SOS2: variants seen among roughly 807,000 people sequenced by gnomAD.
The protein encoded by SOS2 is SOS Ras/Rho guanine nucleotide exchange factor 2, also known as son of sevenless homolog 2.
A neutral mutation model predicts 148.2 loss-of-function variants in SOS2; 65 were observed. The ratio of observed to expected loss-of-function variants is 0.44; its 90% confidence interval spans 0.36 to 0.54. The LOEUF (loss-of-function observed/expected upper bound fraction) is 0.54. Ranked by LOEUF, SOS2 falls within the 20% of genes least tolerant of loss-of-function variation. The pLI, the probability that SOS2 is intolerant of heterozygous loss-of-function variation, is 0.00. For synonymous variants in SOS2, 539 were observed against 537.1 expected (o/e 1.00, Z -0.05); for missense variants, 1,341 against 1,590.2 (o/e 0.84, Z 2.67).
chr14:50,191,219 C>T (rs1886125595), intron 4 of SOS2, among the ~76,000 whole-genome samples: 1 of 152,108 alleles, frequency 6.6e-6, no homozygotes, highest in African/African-American at 2.4e-5. Context: ...AATCTCAGCA[C>T]TTTGGGAGGC....
At chr14:50,156,951 GTATATATATGTGTATA>G (rs759357678) in intron 12 of SOS2, 32 bp downstream of exon 12, 1 of 844,176 alleles carries the variant, frequency 1.2e-6, no homozygotes, top group Non-Finnish European at 1.8e-6. Context: ...GTGTGTGTGT[GTATATATATGTGTATA>G]TATATATATA....
rs1401913161 is a variant in SOS2 at position 50,135,085 on chromosome 14, AAAAAAAAG to A, written c.2959-854_2959-847del. Among the ~76,000 whole-genome samples, 282 of 143,990 alleles carry A rather than the reference AAAAAAAAG, an allele frequency of 2.0e-3. 1 individual carries two copies. The highest frequency in any genetic ancestry group is 3.3e-3 in the Non-Finnish European group (211 of 64,270). The allele number at this position is 143,990 out of a possible 152,430, so 94.5% of individuals were successfully genotyped here. A position where few individuals can be genotyped will look rare whatever the true frequency, so the allele number is the denominator to read the frequency against. On this transcript the variant is annotated intron_variant, in intron 18 of 22. Coordinates refer to ENST00000216373, the MANE Select transcript of SOS2 (RefSeq NM_006939.4). ...CGAGACTGTCTCAAAAAAAAAAAAA[AAAAAAAAG>A]AAAGAAAGAAAGAAAGAAAGAAAGA...
At chr14:50,200,387 C>T in intron 3 of SOS2, among the ~76,000 whole-genome samples, 1 of 152,094 alleles carries the variant, frequency 6.6e-6, no homozygotes, top group African/African-American at 2.4e-5. Flanking sequence ...TCCACTTTTC[C>T]AGTATATAAA....
intron 18 of SOS2, among the ~76,000 whole-genome samples, chr14:50,135,088 AAAAAGAAAGAAAG>A (rs1219754214): frequency 6.7e-6 from 1 of 148,458 alleles, no homozygotes; most frequent in African/African-American, 2.5e-5. Flanking sequence ...AAAAAAAAAA[AAAAAGAAAGAAAG>A]AAAGAAAGAA....
At chr14:50,154,626 A>G (rs1188983303) in intron 12 of SOS2, among the ~76,000 whole-genome samples, 1 of 152,208 alleles carries the variant, frequency 6.6e-6, no homozygotes, top group East Asian at 1.9e-4. Context: ...TCATATAATA[A>G]AACACAACCT....
intron 8 of SOS2, among the ~76,000 whole-genome samples, chr14:50,166,824 C>T (rs987416812): frequency 1.3e-5 from 2 of 152,154 alleles, no homozygotes; most frequent in Non-Finnish European, 2.9e-5. Context: ...TGAAATAAAA[C>T]ATGTAATCAA....
At chr14:50,120,418 C>T in intron 21 of SOS2, 34 bp from the exon 22 acceptor site, 1 of 990,330 alleles carries the variant, frequency 1.0e-6, no homozygotes, top group Non-Finnish European at 1.6e-6. Flanking sequence ...AACCACAATT[C>T]ACAGTATAAG....
chr14:50,141,642 T>A (rs954839229), intron 16 of SOS2, among the ~76,000 whole-genome samples: 7 of 152,150 alleles, frequency 4.6e-5, no homozygotes, highest in African/African-American at 1.7e-4. Context: ...AGATAAACGA[T>A]GTTCACAGTT....
At chr14:50,217,594 T>C (rs908979209) in intron 1 of SOS2, among the ~76,000 whole-genome samples, 2 of 152,164 alleles carry the variant, frequency 1.3e-5, no homozygotes, top group South Asian at 2.1e-4. Flanking sequence ...TTTGTAACCC[T>C]GGGTTAGGCA....
chr14:50,227,555 A>T (rs909670145), intron 1 of SOS2, among the ~76,000 whole-genome samples: 1 of 152,102 alleles, frequency 6.6e-6, no homozygotes, highest in Non-Finnish European at 1.5e-5. Flanking sequence ...CTGGGACTAC[A>T]GGCGTCCGCC....
chr14:50,185,713 A>G (rs1032375597), intron 5 of SOS2, among the ~76,000 whole-genome samples: 13 of 151,528 alleles, frequency 8.6e-5, no homozygotes, highest in Non-Finnish European at 1.8e-4. Context: ...AAAAAAGATT[A>G]GAGAGGAAAA....
chr14:50,201,389 G>A lies in SOS2; in HGVS notation c.214-305C>T, dbSNP rs538183042. On this transcript the variant is annotated intron_variant, in intron 2 of 22. Transcript: ENST00000216373. ...CTATTAAAAATACAAAAATTAGCCCGGCATGGTGGTGGTGCATGCCTATAG... is the reference window on the plus strand; with the variant it reads ...CTATTAAAAATACAAAAATTAGCCCAGCATGGTGGTGGTGCATGCCTATAG... 1.4e-4 allele frequency among the ~76,000 whole-genome samples: 21 copies of A among 151,874 alleles called. No individual in the cohort carries two copies. In the South Asian group the frequency reaches 4.0e-3, roughly 29 times the overall value.
intron 1 of SOS2, among the ~76,000 whole-genome samples, chr14:50,219,922 C>T (rs930514226): frequency 4.0e-5 from 6 of 151,792 alleles, no homozygotes; most frequent in African/African-American, 1.5e-4. Flanking sequence ...GTGTGATCAC[C>T]ACTCACTGTT....
rs968979827 is a variant in SOS2 at position 50,117,419 on chromosome 14, G to A, written c.*925C>T. 1 of 152,108 alleles carries A rather than the reference G, an allele frequency of 6.6e-6. No individual in the cohort carries two copies. Among genetic ancestry groups the A allele is most frequent in the Non-Finnish European group, 1.5e-5 (1 of 68,034 alleles). 9.4% of individuals were successfully genotyped at this position (152,108 alleles called of 1,614,324 possible). On this transcript the variant is annotated 3_prime_UTR_variant, in exon 23 of 23. Transcript: ENST00000216373. ...ATTTAAAAAAAATTTCAGTTAACAC[G>A]AGATTTATAGAGAAAGTTACTAGGT... is the stretch of plus-strand genomic sequence containing the variant.
Position 50,150,069 on chromosome 14 carries a change from T to A in SOS2, c.2323A>T (p.Met775Leu). ...KPGQFETFDL[M>L]TLHPIEIARQ... The stretch of plus-strand genomic sequence containing the variant: ...GCAATTTCTATTGGATGAAGTGTCA[T>A]GAGATCAAATGTTTCAAACTGTCCT... Residue 775 changes from methionine (M) to leucine (L), a missense_variant, in exon 14 of 23, where the codon ATG becomes TTG. Met to Leu is a conservative substitution (Grantham distance 15, BLOSUM62 2). Around this residue, in one of 4 missense-constraint regions of SOS2, gnomAD observed 408 missense variants for 506.6 expected, o/e 0.81. Coordinates refer to ENST00000216373, the MANE Select transcript of SOS2 (RefSeq NM_006939.4). 6.2e-7 allele frequency: 1 copy of A among 1,607,988 alleles called. No homozygotes were observed. The highest frequency in any genetic ancestry group is 2.2e-5 in the East Asian group (1 of 44,842).
At chr14:50,185,953 T>C (rs1044288523) in intron 5 of SOS2, among the ~76,000 whole-genome samples, 4 of 152,000 alleles carry the variant, frequency 2.6e-5, no homozygotes, top group African/African-American at 9.7e-5. Context: ...TTATCACACA[T>C]TTGGTCTGCT....
rs761320331 is a variant in SOS2, at chr14:50,134,229, T to G, written c.2969A>C (p.Glu990Ala). 6.7e-7 allele frequency: 1 copy of G among 1,495,340 alleles called. No individual in the cohort carries two copies. The highest frequency in any genetic ancestry group is 1.2e-5 in the South Asian group (1 of 85,534). The allele number at this position is 1,495,340 out of a possible 1,614,324, so 92.6% of individuals were successfully genotyped here. The part of the protein sequence containing the change: ...RIEPDMRRFF[E>A]NLNPMGSASE... ...TGCACTTCCCATGGGGTTAAGGTTTTCAAAGAATCTCTGGAATTAAACAAA... is the reference window on the plus strand; with the variant it reads ...TGCACTTCCCATGGGGTTAAGGTTTGCAAAGAATCTCTGGAATTAAACAAA... The change falls in exon 19 of 23, where the codon GAA (glutamate) becomes GCA (alanine). Residue 990 changes from glutamate to alanine, a missense_variant. Around this residue, in one of 4 missense-constraint regions of SOS2, gnomAD observed 408 missense variants for 506.6 expected, o/e 0.81. Coordinates refer to ENST00000216373, the MANE Select transcript of SOS2 (RefSeq NM_006939.4).
intron 21 of SOS2, among the ~76,000 whole-genome samples, chr14:50,121,086 G>C (rs959125482): frequency 4.0e-5 from 6 of 151,816 alleles, no homozygotes; most frequent in African/African-American, 1.5e-4. Flanking sequence ...CACCACACAG[G>C]TAATAAAACC....
At chr14:50,161,439 G>A (rs765684381) in intron 9 of SOS2, 43 bp downstream of exon 9, 38 of 1,546,206 alleles carry the variant, frequency 2.5e-5, no homozygotes, top group Non-Finnish European at 3.1e-5. Flanking sequence ...CAGAGACAGC[G>A]AAGTAAGCAG....
Sources: allele counts gnomAD v4.1 joint callset (sites outside exome capture counted in the v4.1 genomes callset), GRCh38; gene constraint gnomAD v4.1.1; regional missense constraint gnomAD v4.1.1; transcripts MANE v1.5; gene names NCBI Gene and HGNC (gene_info 2026-07-23, HGNC 2026-07-21).